Variants in GARNL3 observed in about 807,000 individuals in gnomAD.
GARNL3 encodes GTPase activating Rap/RanGAP domain like 3, also known as GTPase-activating Rap/Ran-GAP domain-like protein 3.
GARNL3 carries 63 observed loss-of-function variants against 125.0 expected under a neutral mutation model. The ratio of observed to expected loss-of-function variants is 0.50; its 90% CI spans 0.41 to 0.62. The LOEUF is 0.62. GARNL3 is among the 20% of genes least tolerant of loss of function. The pLI is 0.00. For synonymous variants in GARNL3, 439 were observed against 457.5 expected, an observed-to-expected ratio of 0.96 and a Z score of 0.52; for missense variants, 994 against 1,244.0, an observed-to-expected ratio of 0.80 and a Z score of 3.02.
chr9:127,391,294 A>T (rs1832820077), intron 27 of GARNL3, among the ~76,000 whole-genome samples: 1 of 146,866 alleles, frequency 6.8e-6, no homozygotes, highest in South Asian at 2.1e-4. Context: ...CAAAAAATAT[A>T]TATATAATAT....
chr9:127,371,890 T>A (rs994553609), intron 22 of GARNL3, among the ~76,000 whole-genome samples: 1 of 152,108 alleles, frequency 6.6e-6, no homozygotes, highest in African/African-American at 2.4e-5. Context: ...AAAATAAGAG[T>A]CTTTTTTAAC....
At chr9:127,365,230 C>A (rs1434626662) in intron 21 of GARNL3, 70 bp from the exon 22 acceptor site, 1 of 1,359,208 alleles carries the variant, frequency 7.4e-7, no homozygotes, top group Non-Finnish European at 1.1e-6. Context: ...CAAATGCTCA[C>A]AACTTGTAAA....
chr9:127,248,567 TTTC>T (rs1160155889), intron 2 of GARNL3, among the ~76,000 whole-genome samples: 1 of 151,792 alleles, frequency 6.6e-6, no homozygotes, highest in Non-Finnish European at 1.5e-5. Context: ...AGCAAGGAAA[TTTC>T]TTATTTTCTT....
intron 1 of GARNL3, among the ~76,000 whole-genome samples, chr9:127,231,582 A>G (rs895706742): frequency 2.6e-5 from 4 of 152,192 alleles, no homozygotes; most frequent in Admixed American, 2.6e-4. Flanking sequence ...TAAATCCTGA[A>G]GATCAAATAA....
At chr9:127,269,473 A>G (rs1345882952) in intron 1 of GARNL3, among the ~76,000 whole-genome samples, 5 of 152,190 alleles carry the variant, frequency 3.3e-5, no homozygotes, top group African/African-American at 1.2e-4. Flanking sequence ...TTCTGTTTTT[A>G]GCTTTTTGAG....
chr9:127,387,470 T>C, intron 25 of GARNL3, 139 bp downstream of exon 25: 1 of 897,642 alleles, frequency 1.1e-6, no homozygotes, highest in Non-Finnish European at 1.6e-6. Flanking sequence ...TAGCTGAGCG[T>C]GGTGGCTCAC....
At chr9:127,377,047 A>G (rs1213417626) in intron 22 of GARNL3, among the ~76,000 whole-genome samples, 1 of 152,238 alleles carries the variant, frequency 6.6e-6, no homozygotes, top group East Asian at 1.9e-4. Flanking sequence ...CCTGGCATGT[A>G]GTAGGCACTC....
intron 22 of GARNL3, among the ~76,000 whole-genome samples, chr9:127,382,844 T>C (rs1208560369): frequency 6.6e-6 from 1 of 152,130 alleles, no homozygotes; most frequent in Non-Finnish European, 1.5e-5. Flanking sequence ...TCCTCTTGAA[T>C]AATAATAAAA....
At chr9:127,356,489 A>G (rs929253850) in intron 20 of GARNL3, 2 of 152,216 alleles carry the variant, frequency 1.3e-5, no homozygotes, top group African/African-American at 2.4e-5. Context: ...GAGTATTTCT[A>G]CTGGAGAGCT....
intron 1 of GARNL3, among the ~76,000 whole-genome samples, chr9:127,276,287 T>C (rs2063954373): frequency 6.6e-6 from 1 of 152,130 alleles, no homozygotes; most frequent in Non-Finnish European, 1.5e-5. Flanking sequence ...TCATGTTACA[T>C]GACAACTCTG....
In GARNL3 at chr9:127,355,476, G is replaced by A; in HGVS notation, c.1935+4G>A. 1 of 1,613,734 alleles carries A rather than the reference G, an allele frequency of 6.2e-7. No homozygotes were observed. The highest frequency in any genetic ancestry group is 8.5e-7 in the Non-Finnish European group (1 of 1,179,612). On this transcript the variant is annotated splice_donor_region_variant and intron_variant, in intron 20 of 27. Transcript: ENST00000373387. ...TGAAGAATTCCAGTACATCAGGGTA[G>A]GTTTGCTCTTTAAATCATTTATCTC...
chr9:127,225,287 G>A (rs2062885797), intron 1 of GARNL3: 1 of 962,724 alleles, frequency 1.0e-6, no homozygotes, highest in Non-Finnish European at 1.2e-6. Flanking sequence ...GAGTGCGCCC[G>A]AGCCCGCGGC....
intron 2 of GARNL3, among the ~76,000 whole-genome samples, chr9:127,251,407 T>A (rs1160400274): frequency 6.6e-6 from 1 of 152,134 alleles, no homozygotes. Flanking sequence ...TTGTTTTGTT[T>A]TGTTTTTTTC....
At chr9:127,387,894 C>A (rs1466121121) in intron 25 of GARNL3, among the ~76,000 whole-genome samples, 4 of 152,046 alleles carry the variant, frequency 2.6e-5, no homozygotes, top group African/African-American at 9.7e-5. Context: ...ACTTGTAATC[C>A]CAGCACTTTG....
intron 17 of GARNL3, among the ~76,000 whole-genome samples, chr9:127,350,688 A>G (rs1321878259): frequency 6.6e-6 from 1 of 152,030 alleles, no homozygotes; most frequent in East Asian, 1.9e-4. Context: ...AAGCAGGAGA[A>G]TCACTTGAAC....
At chr9:127,305,754 T>TTTTA (rs1005474339) in intron 2 of GARNL3, among the ~76,000 whole-genome samples, 104 of 151,788 alleles carry the variant, frequency 6.9e-4, no homozygotes, top group South Asian at 6.3e-3. Context: ...TATTTTTTAA[T>TTTTA]TTTATTTATT....
At chr9:127,295,750 T>C (rs1382838449) in intron 2 of GARNL3, among the ~76,000 whole-genome samples, 2 of 151,954 alleles carry the variant, frequency 1.3e-5, no homozygotes, top group Non-Finnish European at 2.9e-5. Context: ...CTATTACTGA[T>C]ATATTATAAA....
chr9:127,320,213 T>G (rs1046590906), intron 5 of GARNL3, among the ~76,000 whole-genome samples: 7 of 152,140 alleles, frequency 4.6e-5, no homozygotes, highest in African/African-American at 1.7e-4. Context: ...AGTCTAGAAG[T>G]TCGTTATTAT....
At chr9:127,224,910 C>G (rs2062871162) in intron 1 of GARNL3, among the ~76,000 whole-genome samples, 2 of 7,678 alleles carry the variant, frequency 2.6e-4, no homozygotes, top group Non-Finnish European at 6.5e-4. Context: ...GAGCGCGGGG[C>G]GGGGCGTGGG....
Sources: gnomAD v4.1 joint callset for allele counts (sites outside exome capture counted in the v4.1 genomes callset) on GRCh38, gnomAD v4.1.1 for gene constraint, MANE v1.5 for transcripts, NCBI Gene and HGNC (gene_info 2026-07-23, HGNC 2026-07-21) for gene names.